The following FOXP1 variants were observed in gnomAD, a reference collection of about 807,000 sequenced individuals.
The protein encoded by FOXP1 is forkhead box protein P1.
Under a neutral mutation model 98.2 loss-of-function variants are expected in FOXP1, and 15 were observed. The ratio of observed to expected loss-of-function variants is 0.15; its 90% CI spans 0.10 to 0.24. FOXP1 has a LOEUF of 0.24. Among genes scored for constraint, FOXP1 ranks in the 10% least tolerant of loss-of-function variants. FOXP1 has a pLI of 1.00. For missense variants in FOXP1, 633 were observed against 848.5 expected (o/e 0.75, Z 3.15); for synonymous variants, 371 against 314.5 (o/e 1.18, Z -1.90).
At chr3:71,167,243 G>A (rs1406830310) in intron 6 of FOXP1, among the ~76,000 whole-genome samples, 2 of 152,118 alleles carry the variant, frequency 1.3e-5, no homozygotes, top group Admixed American at 6.6e-5. Context: ...ATACGAAGGC[G>A]GTGATGTCCC....
chr3:71,189,462 C>T (rs1443754579), intron 6 of FOXP1, among the ~76,000 whole-genome samples: 1 of 152,190 alleles, frequency 6.6e-6, no homozygotes, highest in African/African-American at 2.4e-5. Context: ...GTTTTAGCTA[C>T]ACAGAATGTC....
chr3:71,024,680 A>T (rs2045890002), intron 11 of FOXP1, among the ~76,000 whole-genome samples: 1 of 152,212 alleles, frequency 6.6e-6, no homozygotes, highest in Non-Finnish European at 1.5e-5. Context: ...GATATTCATG[A>T]GTAAAACTTG....
chr3:71,386,711 C>G (rs1379425939), intron 3 of FOXP1, among the ~76,000 whole-genome samples: 2 of 127,228 alleles, frequency 1.6e-5, no homozygotes, highest in South Asian at 2.4e-4. Context: ...CCACTGCACT[C>G]TAGCCTGTTG....
intron 5 of FOXP1, among the ~76,000 whole-genome samples, chr3:71,287,966 T>C (rs1439988101): frequency 1.3e-5 from 2 of 151,532 alleles, no homozygotes; most frequent in African/African-American, 2.4e-5. Flanking sequence ...CCGCAACCTC[T>C]GCCTCCCGGG....
intron 2 of FOXP1, among the ~76,000 whole-genome samples, chr3:71,578,546 T>C (rs542779908): frequency 3.9e-5 from 6 of 152,262 alleles, no homozygotes; most frequent in Non-Finnish European, 7.3e-5. Context: ...CAAAACTGAG[T>C]TTGAGTCATA....
chr3:71,555,536 CATAA>C (rs902492527), intron 2 of FOXP1, among the ~76,000 whole-genome samples: 3 of 152,222 alleles, frequency 2.0e-5, no homozygotes, highest in African/African-American at 4.8e-5. Flanking sequence ...GATAAACTGA[CATAA>C]ATAGTCACTT....
At chr3:71,430,136 T>G (rs144946877) in intron 3 of FOXP1, among the ~76,000 whole-genome samples, 2 of 152,176 alleles carry the variant, frequency 1.3e-5, no homozygotes, top group East Asian at 3.9e-4. Context: ...AATGAGACAA[T>G]TCAGGTTTTT....
chr3:71,006,135 T>C (rs2042778372), intron 12 of FOXP1, among the ~76,000 whole-genome samples: 3 of 152,150 alleles, frequency 2.0e-5, no homozygotes, highest in African/African-American at 7.2e-5. Context: ...TGGACACTTC[T>C]CTGTTTCTCT....
At chr3:71,325,197 C>A (rs1343085306) in intron 4 of FOXP1, among the ~76,000 whole-genome samples, 1 of 152,034 alleles carries the variant, frequency 6.6e-6, no homozygotes, top group African/African-American at 2.4e-5. Context: ...GGATTACAGG[C>A]ATAAACCACC....
At chr3:71,520,885 A>T (rs1212030688) in intron 2 of FOXP1, among the ~76,000 whole-genome samples, 1 of 152,192 alleles carries the variant, frequency 6.6e-6, no homozygotes, top group African/African-American at 2.4e-5. Flanking sequence ...ACTCCCTGAC[A>T]CCCACGCTGA....
intron 6 of FOXP1, among the ~76,000 whole-genome samples, chr3:71,119,242 C>G (rs183020423): frequency 1.3e-5 from 2 of 152,296 alleles, no homozygotes; most frequent in Non-Finnish European, 2.9e-5. Flanking sequence ...TAATTGATAG[C>G]AGTTCAGATC....
chr3:71,558,736 G>A (rs1206807812), intron 2 of FOXP1, among the ~76,000 whole-genome samples: 8 of 149,464 alleles, frequency 5.4e-5, no homozygotes, highest in African/African-American at 1.2e-4. Context: ...CTCATGATCC[G>A]CCCGCCTCGG....
At chr3:71,549,050 T>C (rs1448555345) in intron 2 of FOXP1, among the ~76,000 whole-genome samples, 1 of 152,136 alleles carries the variant, frequency 6.6e-6, no homozygotes, top group East Asian at 1.9e-4. Context: ...GCCTCAAAGG[T>C]GTATTAACCC....
intron 6 of FOXP1, among the ~76,000 whole-genome samples, chr3:71,176,493 G>A (rs2061944002): frequency 6.6e-6 from 1 of 152,108 alleles, no homozygotes; most frequent in Admixed American, 6.6e-5. Context: ...GATCCTTCAG[G>A]ACCCTAATGC....
At chr3:71,131,403 C>CA (rs10681690) in intron 6 of FOXP1, among the ~76,000 whole-genome samples, 24,480 of 126,406 alleles carry the variant, frequency 0.19, 2,480 homozygotes, top group East Asian at 0.25. Flanking sequence ...TATTCAATAA[C>CA]AAAAAAAAAA....
chr3:71,363,542 A>G (rs1302167119), intron 3 of FOXP1, among the ~76,000 whole-genome samples: 1 of 152,228 alleles, frequency 6.6e-6, no homozygotes, highest in African/African-American at 2.4e-5. Flanking sequence ...ACAAGTAGGC[A>G]GATAAATTGT....
At chr3:71,117,491 A>G (rs920186319) in intron 6 of FOXP1, among the ~76,000 whole-genome samples, 12 of 152,168 alleles carry the variant, frequency 7.9e-5, no homozygotes, top group Admixed American at 2.0e-4. Context: ...ACATTGTTTG[A>G]AGATAAAATT....
chr3:70,987,895 C>A, intron 14 of FOXP1, 99 bp downstream of exon 14: 1 of 1,091,440 alleles, frequency 9.2e-7, no homozygotes, highest in Non-Finnish European at 1.4e-6. Context: ...AAAGCTCCAC[C>A]AAAGTAGGCT....
chr3:71,495,855 T>C (rs2091370394), intron 2 of FOXP1, among the ~76,000 whole-genome samples: 1 of 152,108 alleles, frequency 6.6e-6, no homozygotes, highest in African/African-American at 2.4e-5. Context: ...GTACTAACAA[T>C]CATGGGCCAC....
Sources: gnomAD v4.1 joint callset for allele counts (sites outside exome capture counted in the v4.1 genomes callset) on GRCh38, gnomAD v4.1.1 for gene constraint, MANE v1.5 for transcripts, NCBI Gene and HGNC (gene_info 2026-07-23, HGNC 2026-07-21) for gene names.